ZNF735: variants seen among roughly 807,000 people sequenced by gnomAD.
The protein encoded by ZNF735 is putative zinc finger protein 735.
Under a neutral mutation model 13.4 loss-of-function variants are expected in ZNF735, and 11 were observed. That is an observed-to-expected ratio of 0.82 (90% CI 0.52 to 1.36). The LOEUF is 1.36. Among genes scored for constraint, ZNF735 ranks in the 40% most tolerant of loss-of-function variants. ZNF735 has a pLI of 0.00. For synonymous variants in ZNF735, 171 were observed against 162.6 expected (o/e 1.05, Z -0.39); for missense variants, 500 against 484.6 (o/e 1.03, Z -0.30).
Position 64,219,595 on chromosome 7 carries a change from A to C in ZNF735, c.544A>C (p.Lys182Gln), listed in dbSNP as rs1246277947. Residue 182 changes from lysine to glutamine, a missense_variant, in exon 4 of 4, where the codon AAG becomes CAG. Coordinates refer to ENST00000429565, the Ensembl canonical transcript of ZNF735. ...TAGACACAATGCAAGATATACTGGA[A>C]AGAAACATTTGAAATGTAAAAAATA... is the stretch of plus-strand genomic sequence containing the variant. 9 of 1,575,980 alleles carry C rather than the reference A, an allele frequency of 5.7e-6. No homozygotes were observed. Among genetic ancestry groups the C allele is most frequent in the African/African-American group, 1.4e-5 (1 of 74,006 alleles).
chr7:64,212,977 T>C, intron 1 of ZNF735, 115 bp from the exon 2 acceptor site: 1 of 1,120,332 alleles, frequency 8.9e-7, no homozygotes, highest in Non-Finnish European at 1.3e-6. Context: ...CAGTCACTCT[T>C]GTAAGTGAGA....
exon 4 of ZNF735, chr7:64,219,379 G>A (rs776384482): frequency 6.2e-7 from 1 of 1,613,830 alleles, no homozygotes; most frequent in South Asian, 1.1e-5. Context: ...ACTCCAAAAA[G>A]TAATACCAAG....
rs371184989 is a variant in ZNF735 at position 64,220,123 on chromosome 7, T to G, written c.1072T>G (p.Cys358Gly). 7 of 1,613,498 alleles carry G rather than the reference T, an allele frequency of 4.3e-6. No individual in the cohort carries two copies. In the African/African-American group the frequency reaches 9.3e-5, roughly 22 times the overall value. Residue 358 changes from cysteine (C) to glycine (G), a missense_variant, in exon 4 of 4, where the codon TGT becomes GGT. Cys to Gly is a radical substitution (Grantham distance 159, BLOSUM62 -3). Coordinates refer to ENST00000429565, the Ensembl canonical transcript of ZNF735. ...AGAGAAACCCTACACATGTGAAGAATGTGGCAGAACCTTTAACTGCTCCTC... is the reference window on the plus strand; with the variant it reads ...AGAGAAACCCTACACATGTGAAGAAGGTGGCAGAACCTTTAACTGCTCCTC...
intron 3 of ZNF735, among the ~76,000 whole-genome samples, chr7:64,215,831 C>G (rs1472396068): frequency 1.3e-5 from 2 of 152,142 alleles, no homozygotes; most frequent in Non-Finnish European, 2.9e-5. Flanking sequence ...TGGTCATACA[C>G]AGAAGAGTTC....
chr7:64,211,268 G>A (rs1170766575), intron 1 of ZNF735, among the ~76,000 whole-genome samples: 1 of 152,172 alleles, frequency 6.6e-6, no homozygotes, highest in Non-Finnish European at 1.5e-5. Flanking sequence ...TTGAACATGA[G>A]AAGGTGTAAA....
chr7:64,216,402 A>G (rs544721565), intron 3 of ZNF735, among the ~76,000 whole-genome samples: 26 of 152,332 alleles, frequency 1.7e-4, no homozygotes, highest in Admixed American at 4.6e-4. Context: ...TGACATCTTA[A>G]CAAATTAAGT....
At chr7:64,211,739 G>T (rs1487346708) in intron 1 of ZNF735, among the ~76,000 whole-genome samples, 1 of 151,690 alleles carries the variant, frequency 6.6e-6, no homozygotes, top group Admixed American at 6.6e-5. Context: ...AGTGCCATGC[G>T]CCTGTAATCC....
At chr7:64,211,970 ATGTTG>A (rs562186866) in intron 1 of ZNF735, among the ~76,000 whole-genome samples, 58 of 151,768 alleles carry the variant, frequency 3.8e-4, no homozygotes, top group African/African-American at 1.3e-3. Context: ...CACAGCAGTG[ATGTTG>A]TGTTGTGTGT....
intron 3 of ZNF735, among the ~76,000 whole-genome samples, chr7:64,216,157 G>A (rs1354579471): frequency 6.6e-6 from 1 of 151,884 alleles, no homozygotes; most frequent in Non-Finnish European, 1.5e-5. Flanking sequence ...TTAACCAGGT[G>A]TAGTGGCGGG....
rs1353273738 is a variant in ZNF735 at position 64,215,777 on chromosome 7, A to T, written c.262+1669A>T. On this transcript the variant is annotated intron_variant, in intron 3 of 3. Coordinates refer to ENST00000429565, the Ensembl canonical transcript of ZNF735. ...CAACATTATCTATTGAAGGGTTTAT[A>T]TTTTCTCCATTGTCTGCTCCTGGCA... 2.0e-5 allele frequency among the ~76,000 whole-genome samples: 3 copies of T among 151,640 alleles called. No individual in the cohort carries two copies. The East Asian group carries it at 5.8e-4, about 29-fold the overall frequency.
At chr7:64,215,575 C>T (rs1416926796) in intron 3 of ZNF735, among the ~76,000 whole-genome samples, 4 of 152,098 alleles carry the variant, frequency 2.6e-5, no homozygotes, top group South Asian at 2.1e-4. Flanking sequence ...GTTGCTCATG[C>T]ATTTGATGAC....
chr7:64,218,391 A>G (rs1787446669), intron 3 of ZNF735, among the ~76,000 whole-genome samples: 1 of 151,708 alleles, frequency 6.6e-6, no homozygotes, highest in Non-Finnish European at 1.5e-5. Flanking sequence ...AATATGTGTT[A>G]TGGATCTTTT....
intron 3 of ZNF735, among the ~76,000 whole-genome samples, chr7:64,214,413 T>G (rs1438897004): frequency 6.6e-6 from 1 of 152,146 alleles, no homozygotes; most frequent in Non-Finnish European, 1.5e-5. Flanking sequence ...TACTTTGCCA[T>G]TGCTTTTGGG....
intron 3 of ZNF735, among the ~76,000 whole-genome samples, chr7:64,218,059 ATAT>A (rs535831823): frequency 4.6e-4 from 70 of 152,092 alleles, no homozygotes; most frequent in African/African-American, 1.7e-3. Context: ...TTTTTTCATT[ATAT>A]TATTTGAAGT....
chr7:64,218,292 C>CA (rs1787445606), intron 3 of ZNF735, among the ~76,000 whole-genome samples: 1 of 151,494 alleles, frequency 6.6e-6, no homozygotes, highest in African/African-American at 2.4e-5. Context: ...CTGGTTGTCT[C>CA]GGAGGACTAG....
intron 3 of ZNF735, among the ~76,000 whole-genome samples, chr7:64,214,533 G>A (rs1787397614): frequency 6.6e-6 from 1 of 151,938 alleles, no homozygotes; most frequent in South Asian, 2.1e-4. Context: ...TTCATTGGTG[G>A]TTGTCCATTT....
intron 3 of ZNF735, among the ~76,000 whole-genome samples, chr7:64,214,510 T>C (rs528924604): frequency 2.0e-5 from 3 of 152,192 alleles, no homozygotes; most frequent in African/African-American, 7.2e-5. Context: ...TGTGTGAGAA[T>C]AGTAATTTCT....
chr7:64,213,968 A>G, intron 2 of ZNF735, 45 bp from the exon 3 acceptor site: 3 of 1,491,832 alleles, frequency 2.0e-6, no homozygotes, highest in Non-Finnish European at 2.7e-6. Flanking sequence ...CAAAAAATAA[A>G]TAAATAAATA....
intron 2 of ZNF735, among the ~76,000 whole-genome samples, chr7:64,213,811 T>G (rs1299654583): frequency 1.3e-5 from 2 of 151,816 alleles, no homozygotes; most frequent in African/African-American, 4.8e-5. Flanking sequence ...ATACAAAAAT[T>G]AGCTGGGCGT....
Sources: gnomAD v4.1 joint callset for allele counts (sites outside exome capture counted in the v4.1 genomes callset) on GRCh38, gnomAD v4.1.1 for gene constraint, MANE v1.5 for transcripts, NCBI Gene and HGNC (gene_info 2026-07-23, HGNC 2026-07-21) for gene names.